Variants in YEATS2 observed in about 807,000 individuals in gnomAD.
YEATS2 encodes the protein YEATS domain-containing protein 2.
In YEATS2, 77 loss-of-function variants were observed where a neutral mutation model predicts 163.2. The observed-to-expected ratio is 0.47, with a 90% confidence interval of 0.39 to 0.57. The LOEUF is 0.57. Among genes scored for constraint, YEATS2 ranks in the 20% least tolerant of loss-of-function variants. YEATS2 has a pLI of 0.00. For missense variants in YEATS2, 1,549 were observed against 1,729.8 expected (o/e 0.90, Z 1.85); for synonymous variants, 631 against 645.1 (o/e 0.98, Z 0.33).
chr3:183,793,313 A>G, intron 21 of YEATS2: 1 of 1,103,126 alleles, frequency 9.1e-7, no homozygotes, highest in Non-Finnish European at 1.1e-6. Flanking sequence ...TCTTGTTTGG[A>G]TAGAGAACAA....
chr3:183,767,067 A>C (rs924763954), intron 15 of YEATS2, among the ~76,000 whole-genome samples: 1 of 152,204 alleles, frequency 6.6e-6, no homozygotes, highest in Non-Finnish European at 1.5e-5. Context: ...GTCCATAATC[A>C]GCTGCAGAGT....
intron 7 of YEATS2, 115 bp downstream of exon 7, chr3:183,728,966 G>A (rs1167382055): frequency 8.3e-7 from 1 of 1,207,664 alleles, no homozygotes; most frequent in Non-Finnish European, 1.2e-6. Context: ...ATTGAGAATT[G>A]GCTCTTAGTC....
At chr3:183,780,709 C>T (rs1162130204) in intron 19 of YEATS2, among the ~76,000 whole-genome samples, 1 of 152,124 alleles carries the variant, frequency 6.6e-6, no homozygotes, top group African/African-American at 2.4e-5. Context: ...AAACTGCAGT[C>T]ACAGAGAAGA....
intron 7 of YEATS2, among the ~76,000 whole-genome samples, chr3:183,734,961 A>G (rs1024214116): frequency 6.6e-6 from 1 of 152,122 alleles, no homozygotes; most frequent in Non-Finnish European, 1.5e-5. Flanking sequence ...GAAGTATACC[A>G]TTTCCATAAA....
chr3:183,700,726 G>GCA (rs1713982670), intron 1 of YEATS2, among the ~76,000 whole-genome samples: 1 of 127,288 alleles, frequency 7.9e-6, no homozygotes, highest in African/African-American at 3.1e-5. Flanking sequence ...AACGGAGATC[G>GCA]CGCCACTGCA....
chr3:183,743,118 C>T (rs1030212179), intron 8 of YEATS2, among the ~76,000 whole-genome samples: 1 of 152,168 alleles, frequency 6.6e-6, no homozygotes, highest in Non-Finnish European at 1.5e-5. Flanking sequence ...GTATTCACTT[C>T]ATTGCAGTAG....
intron 30 of YEATS2, 68 bp downstream of exon 30, chr3:183,809,238 A>T (rs2108545382): frequency 1.3e-6 from 2 of 1,517,006 alleles, no homozygotes; most frequent in East Asian, 2.3e-5. Context: ...ATTGCCCATG[A>T]AGGTGTTTTA....
intron 9 of YEATS2, among the ~76,000 whole-genome samples, chr3:183,748,890 C>T (rs1190965267): frequency 4.6e-5 from 7 of 152,122 alleles, no homozygotes; most frequent in Admixed American, 1.3e-4. Context: ...TGAGTCACTG[C>T]GCCCAGCCTT....
At chr3:183,700,911 G>C (rs1284808583) in intron 1 of YEATS2, among the ~76,000 whole-genome samples, 2 of 151,832 alleles carry the variant, frequency 1.3e-5, no homozygotes, top group Non-Finnish European at 2.9e-5. Flanking sequence ...AGAATTGAGA[G>C]TGACAATTAA....
chr3:183,705,826 TGAG>T (rs1199907491), intron 1 of YEATS2, among the ~76,000 whole-genome samples: 1 of 152,030 alleles, frequency 6.6e-6, no homozygotes, highest in Non-Finnish European at 1.5e-5. Context: ...GATCACGAGT[TGAG>T]GAGATCGAGA....
At chr3:183,775,577 G>C (rs975196169) in intron 17 of YEATS2, among the ~76,000 whole-genome samples, 3 of 152,190 alleles carry the variant, frequency 2.0e-5, no homozygotes, top group African/African-American at 7.2e-5. Flanking sequence ...CCTGGCGACA[G>C]AGTGAGACTC....
intron 1 of YEATS2, among the ~76,000 whole-genome samples, chr3:183,704,114 G>A (rs1316239517): frequency 1.3e-5 from 2 of 150,320 alleles, no homozygotes; most frequent in Admixed American, 1.3e-4. Context: ...TTGCGCCACT[G>A]CAATCCAGCT....
intron 1 of YEATS2, among the ~76,000 whole-genome samples, chr3:183,705,956 C>T (rs553877154): frequency 6.6e-6 from 1 of 152,090 alleles, no homozygotes; most frequent in South Asian, 2.1e-4. Flanking sequence ...AGGAGAATGG[C>T]CTGACCCGGG....
intron 22 of YEATS2, 115 bp from the exon 23 acceptor site, chr3:183,798,773 GTCC>G (rs1210990305): frequency 1.6e-5 from 12 of 744,764 alleles, no homozygotes; most frequent in Non-Finnish European, 2.6e-5. Context: ...AATTCCTGTT[GTCC>G]TCAAGTTGCC....
At chr3:183,807,203 T>A in intron 28 of YEATS2, 111 bp downstream of exon 28, 1 of 984,240 alleles carries the variant, frequency 1.0e-6, no homozygotes, top group Non-Finnish European at 1.5e-6. Context: ...AGACACAGAC[T>A]CAGACCCAGA....
Position 183,777,641 on chromosome 3 carries a change from G to T in YEATS2, c.2677G>T (p.Ala893Ser), listed in dbSNP as rs1372413879. The T allele has an allele frequency of 1.2e-6, 2 of 1,613,982 alleles. No homozygotes were observed. Among genetic ancestry groups the T allele is most frequent in the African/African-American group, 1.3e-5 (1 of 74,900 alleles). The change falls in exon 19 of 31, where the codon GCA becomes TCA. Residue 893 changes from alanine to serine, a missense_variant. Coordinates refer to ENST00000305135, the MANE Select transcript of YEATS2 (RefSeq NM_018023.5). The part of the protein sequence containing the change: ...QGTLGVSTSS[A>S]QGQQTLKVIS... ...AACACTGGGAGTCAGCACATCTTCTGCACAAGGACAACAAACGCTAAAAGT... is the reference window on the plus strand; with the variant it reads ...AACACTGGGAGTCAGCACATCTTCTTCACAAGGACAACAAACGCTAAAAGT...
intron 1 of YEATS2, among the ~76,000 whole-genome samples, chr3:183,714,884 C>T (rs1054946199): frequency 2.0e-5 from 3 of 151,904 alleles, no homozygotes; most frequent in African/African-American, 7.3e-5. Flanking sequence ...AAAGGGAAAC[C>T]CATGCTTGTT....
At chr3:183,772,082 A>G (rs1722536131) in intron 15 of YEATS2, among the ~76,000 whole-genome samples, 1 of 152,174 alleles carries the variant, frequency 6.6e-6, no homozygotes, top group Non-Finnish European at 1.5e-5. Context: ...AGTAAATTAT[A>G]AAAAGTAGCT....
intron 8 of YEATS2, among the ~76,000 whole-genome samples, chr3:183,738,416 T>TA (rs1553864975): frequency 4.9e-5 from 7 of 141,992 alleles, no homozygotes; most frequent in African/African-American, 8.1e-5. Flanking sequence ...TTTTTTTTTT[T>TA]AATACTTTAA....
Sources: allele counts gnomAD v4.1 joint callset (sites outside exome capture counted in the v4.1 genomes callset), GRCh38; gene constraint gnomAD v4.1.1; transcripts MANE v1.5; gene names NCBI Gene and HGNC (gene_info 2026-07-23, HGNC 2026-07-21).